CEP170B: variants seen among roughly 807,000 people sequenced by gnomAD.
The protein encoded by CEP170B is centrosomal protein 170B.
A neutral mutation model predicts 120.6 loss-of-function variants in CEP170B; 55 were observed. The observed-to-expected ratio is 0.46, with a 90% confidence interval of 0.37 to 0.57. The LOEUF is 0.57. Among genes scored for constraint, CEP170B ranks in the 20% least tolerant of loss-of-function variants. The pLI, the probability that CEP170B is intolerant of heterozygous loss-of-function variation, is 0.00. For synonymous variants in CEP170B, 1,033 were observed against 954.5 expected, an observed-to-expected ratio of 1.08 and a Z score of -1.52; for missense variants, 2,212 against 2,253.3, an observed-to-expected ratio of 0.98 and a Z score of 0.37.
intron 7 of CEP170B, 91 bp from the exon 8 acceptor site, chr14:104,882,944 C>A (rs1297002694): frequency 6.9e-7 from 1 of 1,451,388 alleles, no homozygotes; most frequent in East Asian, 2.5e-5. Flanking sequence ...GCCTGTCTCC[C>A]CCTCTTGGGT....
chr14:104,882,748 C>G lies in CEP170B; in HGVS notation c.493C>G (p.Pro165Ala). The G allele has an allele frequency of 6.2e-7, 1 of 1,612,236 alleles. No individual in the cohort carries two copies. The highest frequency in any genetic ancestry group is 8.5e-7 in the Non-Finnish European group (1 of 1,179,634). ...PGTEAASYRT[P>A]LYGQPSWWGE... ...CACAGAGGCAGCCTCTTACCGCACA[C>G]CCCTGTATGGGCAGCCCTCCTGGTG... Residue 165 changes from proline (P) to alanine (A), a missense_variant, in exon 7 of 19, where the codon CCC (proline) becomes GCC (alanine). By Grantham distance (27) the Pro-to-Ala change is conservative (BLOSUM62 -1). This residue lies in a region of CEP170B where 2,166 missense variants were observed against 2,166.7 expected (regional missense o/e 1.00). Coordinates refer to ENST00000414716, the MANE Select transcript of CEP170B (RefSeq NM_001112726.3).
intron 10 of CEP170B, 59 bp from the exon 11 acceptor site, chr14:104,885,981 C>G (rs995931978): frequency 1.3e-5 from 18 of 1,429,402 alleles, no homozygotes; most frequent in Admixed American, 7.6e-5. Flanking sequence ...TTCCCTGGCA[C>G]CCCCTGCTTC....
Position 104,884,486 on chromosome 14 carries a change from A to G in CEP170B, c.1707A>G (p.Thr569=). 6.4e-7 allele frequency: 1 copy of G among 1,564,524 alleles called. No homozygotes were observed. The highest frequency in any genetic ancestry group is 8.7e-7 in the Non-Finnish European group (1 of 1,154,446). Residue 569 remains threonine, a synonymous_variant, in exon 9 of 19, where the codon ACA becomes ACG. Transcript: ENST00000414716. ...EEDDSLSDAG[T]YTIETEAQDT... ...ACGACAGCCTCAGTGACGCAGGGAC[A>G]TACACCATCGAGACCGAGGCGCAGG...
chr14:104,868,340 AG>A lies in CEP170B; in HGVS notation c.-27-82del. The A allele has an allele frequency of 1.1e-6, 1 of 940,158 alleles. No homozygotes were observed. Among genetic ancestry groups the A allele is most frequent in the South Asian group, 1.6e-5 (1 of 60,706 alleles). 58.2% of individuals were successfully genotyped at this position (940,158 alleles called of 1,614,324 possible). On this transcript the variant is annotated intron_variant, in intron 1 of 18. Coordinates refer to ENST00000414716, the MANE Select transcript of CEP170B (RefSeq NM_001112726.3). The surrounding 1 kb of genome is among the most constrained non-coding windows in gnomAD (Gnocchi z 5.9). Reference sequence around the variant, plus strand: ...AGCTGCCAGCTTCCCTTAGAGGGTCAGGATCTGGGCTGGGCCTTGGATGTGT... The same window carrying A: ...AGCTGCCAGCTTCCCTTAGAGGGTCAGATCTGGGCTGGGCCTTGGATGTGT...
chr14:104,894,701 C>G lies in CEP170B; in HGVS notation c.4418-10C>G. On this transcript the variant is annotated splice_polypyrimidine_tract_variant and intron_variant, in intron 18 of 18. Coordinates refer to ENST00000414716, the MANE Select transcript of CEP170B (RefSeq NM_001112726.3). Reference sequence around the variant, plus strand: ...GGATCCGCAGCCTGACCCTCCCTCCCCACCTCCAGTTATCAATGCCATCGT... The same window carrying G: ...GGATCCGCAGCCTGACCCTCCCTCCGCACCTCCAGTTATCAATGCCATCGT... The G allele has an allele frequency of 6.4e-7, 1 of 1,573,646 alleles. No individual in the cohort carries two copies. Among genetic ancestry groups the G allele is most frequent in the Non-Finnish European group, 8.6e-7 (1 of 1,157,140 alleles).
chr14:104,872,821 C>T (rs115700094), intron 2 of CEP170B, among the ~76,000 whole-genome samples: 1,724 of 152,250 alleles, frequency 0.011, 33 homozygotes, highest in African/African-American at 0.039. Context: ...GGCTGTTGCC[C>T]CAGAGGGCGT....
chr14:104,889,572 G>C (rs1370564485), intron 12 of CEP170B, 48 bp from the exon 13 acceptor site: 1 of 1,603,204 alleles, frequency 6.2e-7, no homozygotes, highest in Non-Finnish European at 8.5e-7. Context: ...GAGGAGTACG[G>C]CTCCCGCCAC....
rs747804821 is a variant in CEP170B at position 104,886,441 on chromosome 14, C to G, written c.2202C>G (p.Ser734Arg). 1.9e-6 allele frequency: 3 copies of G among 1,574,412 alleles called. No individual in the cohort carries two copies. The African/African-American group carries it at 4.1e-5, about 21-fold the overall frequency. The change falls in exon 12 of 19, where the codon AGC becomes AGG. Residue 734 changes from serine (S) to arginine (R), a missense_variant. Physicochemically the swap from Ser to Arg is moderately radical, Grantham distance 110 (BLOSUM62 -1). Around this residue, in one of 2 missense-constraint regions of CEP170B, gnomAD observed 2,166 missense variants for 2,166.7 expected, o/e 1.00. Transcript: ENST00000414716. ...CGGAGCTGGACAGTGAGCAGCCCAG[C>G]CGCCTCTTCGGCCAGGAGGAGTTGG... The part of the protein sequence containing the change: ...GPPELDSEQP[S>R]RLFGQEELDP...
chr14:104,880,543 C>T (rs1896092606), intron 6 of CEP170B, 118 bp downstream of exon 6: 7 of 1,426,698 alleles, frequency 4.9e-6, no homozygotes, highest in African/African-American at 1.4e-5. Flanking sequence ...TACACCCATA[C>T]CCCTCACCCT....
Position 104,878,370 on chromosome 14 carries a change from C to T in CEP170B, c.275-73C>T, listed in dbSNP as rs534309952. 5.3e-6 allele frequency: 8 copies of T among 1,500,006 alleles called. No individual in the cohort carries two copies. In the Admixed American group the frequency reaches 1.4e-4, roughly 25 times the overall value. 92.9% of individuals were successfully genotyped at this position (1,500,006 alleles called of 1,614,324 possible). A position where few individuals can be genotyped will look rare whatever the true frequency, so the allele number is the denominator to read the frequency against. ...TCGATGGGCCCTTGAGCTGGCACACCTGTTGCTGGGCGTGGACTTCAGCGC... is the reference window on the plus strand; with the variant it reads ...TCGATGGGCCCTTGAGCTGGCACACTTGTTGCTGGGCGTGGACTTCAGCGC... On this transcript the variant is annotated intron_variant, in intron 4 of 18. Transcript: ENST00000414716.
At chr14:104,883,684 T>C in intron 8 of CEP170B, 147 bp from the exon 9 acceptor site, 1 of 1,046,964 alleles carries the variant, frequency 9.6e-7, no homozygotes, top group Non-Finnish European at 1.4e-6. Context: ...CGTCTTCCCG[T>C]TGCACTTCTT....
Position 104,895,751 on chromosome 14 carries a change from G to A in CEP170B, c.*793G>A, listed in dbSNP as rs1897049263. ...GGGCATGTCCCCGTGAGGGGCTATG[G>A]GCCTCTGTAGGTGGGCTTCCAAGGT... is the stretch of plus-strand genomic sequence containing the variant. On this transcript the variant is annotated 3_prime_UTR_variant, in exon 19 of 19. Coordinates refer to ENST00000414716, the MANE Select transcript of CEP170B (RefSeq NM_001112726.3). 6.6e-6 allele frequency: 1 copy of A among 152,610 alleles called. No individual in the cohort carries two copies. The allele number at this position is 152,610 out of a possible 1,614,324, so 9.5% of individuals were successfully genotyped here.
intron 16 of CEP170B, 92 bp from the exon 17 acceptor site, chr14:104,894,193 C>A: frequency 1.9e-6 from 2 of 1,049,922 alleles, no homozygotes; most frequent in Admixed American, 1.8e-5. Context: ...GGATGAACTT[C>A]ACCATGGCAG....
Position 104,877,035 on chromosome 14 carries a change from G to A in CEP170B, c.195+690G>A, listed in dbSNP as rs114543042. Among the ~76,000 whole-genome samples, 675 of 150,996 alleles carry A rather than the reference G, an allele frequency of 4.5e-3. 8 individuals are homozygous for A. The highest frequency in any genetic ancestry group is 0.014 in the African/African-American group (560 of 40,372). On this transcript the variant is annotated intron_variant, in intron 3 of 18. Transcript: ENST00000414716. ...GTCTCTGTCTGTTGCTGCGCTTGGC[G>A]GACTCCAGCTTGTCCTGGGACACTC...
intron 2 of CEP170B, among the ~76,000 whole-genome samples, chr14:104,872,562 TGTG>T (rs1194600978): frequency 2.0e-5 from 3 of 151,674 alleles, no homozygotes; most frequent in East Asian, 3.9e-4. Context: ...CTGTGTGTGT[TGTG>T]TGCATGTGTG....
rs1566863805 is a variant in CEP170B, at chr14:104,884,358, C to T, written c.1579C>T (p.Pro527Ser). 1 of 1,545,488 alleles carries T rather than the reference C, an allele frequency of 6.5e-7. No homozygotes were observed. The highest frequency in any genetic ancestry group is 2.0e-5 in the Admixed American group (1 of 50,790). The change falls in exon 9 of 19, where the codon CCC (proline) becomes TCC (serine). Residue 527 changes from proline (P) to serine (S), a missense_variant. Physicochemically the swap from Pro to Ser is moderately conservative, Grantham distance 74. Transcript: ENST00000414716. ...PSPEKVPPVL[P>S]APLTPHGTSP... ...CCCCGAGAAGGTTCCTCCGGTGCTG[C>T]CCGCTCCCCTGACACCCCATGGGAC...
chr14:104,874,661 C>G (rs571666416), intron 2 of CEP170B, among the ~76,000 whole-genome samples: 160 of 152,164 alleles, frequency 1.1e-3, no homozygotes, highest in African/African-American at 3.6e-3. Flanking sequence ...ACTGTAGTCC[C>G]TGCCCCCGGT....
At chr14:104,875,949 C>T (rs1895825582) in intron 2 of CEP170B, among the ~76,000 whole-genome samples, 1 of 152,226 alleles carries the variant, frequency 6.6e-6, no homozygotes, top group Admixed American at 6.5e-5. Flanking sequence ...GCCACCTGAC[C>T]TTGGGAGGGA....
At position 104,893,014 on chromosome 14, in the gene CEP170B, C is replaced by T; in HGVS notation, c.3917C>T (p.Ala1306Val). 6.3e-7 allele frequency: 1 copy of T among 1,582,514 alleles called. No individual in the cohort carries two copies. Residue 1306 changes from alanine to valine, a missense_variant, in exon 14 of 19, where the codon GCC becomes GTC. Physicochemically the swap from Ala to Val is moderately conservative, Grantham distance 64. This residue lies in a region of CEP170B where 2,166 missense variants were observed against 2,166.7 expected (regional missense o/e 1.00). Coordinates refer to ENST00000414716, the MANE Select transcript of CEP170B (RefSeq NM_001112726.3). ...QTLVKDVAIL[A>V]QEIHDVAGDG... ...CTGGTGAAGGACGTGGCCATCCTAG[C>T]CCAGGAGATCCACGATGTGGCTGGG... is the stretch of plus-strand genomic sequence containing the variant.
Sources: allele counts gnomAD v4.1 joint callset (sites outside exome capture counted in the v4.1 genomes callset), GRCh38; gene constraint gnomAD v4.1.1; regional missense constraint gnomAD v4.1.1; non-coding constraint Gnocchi (gnomAD v3.1); transcripts MANE v1.5; gene names NCBI Gene and HGNC (gene_info 2026-07-23, HGNC 2026-07-21).